The following DMXL1 variants were observed in gnomAD, a reference collection of about 807,000 sequenced individuals.
The protein encoded by DMXL1 is dmX-like protein 1.
DMXL1 carries 99 observed loss-of-function variants against 319.2 expected under a neutral mutation model. The observed-to-expected ratio is 0.31, with a 90% CI of 0.26 to 0.37. The LOEUF is 0.37. Ranked by LOEUF, DMXL1 falls within the 10% of genes least tolerant of loss-of-function variation. The probability of loss-of-function intolerance (pLI) is 1.00; values close to 1 mark genes in which losing one functional copy is unlikely to be tolerated. For synonymous variants in DMXL1, 1,385 were observed against 1,235.2 expected, an observed-to-expected ratio of 1.12 and a Z score of -2.54; for missense variants, 3,745 against 3,595.6, an observed-to-expected ratio of 1.04 and a Z score of -1.06.
chr5:119,199,199 T>C (rs1030864230), intron 32 of DMXL1, among the ~76,000 whole-genome samples: 1 of 152,196 alleles, frequency 6.6e-6, no homozygotes, highest in Non-Finnish European at 1.5e-5. Flanking sequence ...CCAGTAGTTA[T>C]TTTTGTGATC....
At chr5:119,227,578 G>GAC (rs1421096666) in intron 38 of DMXL1, among the ~76,000 whole-genome samples, 1 of 151,996 alleles carries the variant, frequency 6.6e-6, no homozygotes, top group Non-Finnish European at 1.5e-5. Flanking sequence ...CCATGTAAGG[G>GAC]ACTATATATG....
intron 1 of DMXL1, among the ~76,000 whole-genome samples, chr5:119,078,543 T>C (rs1372844309): frequency 6.6e-6 from 1 of 152,180 alleles, no homozygotes; most frequent in African/African-American, 2.4e-5. Context: ...CTCAATCTCC[T>C]AGGCTCAATC....
At chr5:119,112,776 G>A (rs768708268) in intron 5 of DMXL1, among the ~76,000 whole-genome samples, 16 of 152,076 alleles carry the variant, frequency 1.1e-4, no homozygotes, top group Non-Finnish European at 2.2e-4. Context: ...GGCCACCATG[G>A]CGAAACCCCG....
chr5:119,218,763 T>C (rs1395866387), intron 35 of DMXL1, among the ~76,000 whole-genome samples: 3 of 152,202 alleles, frequency 2.0e-5, no homozygotes, highest in Non-Finnish European at 2.9e-5. Flanking sequence ...CCAGCTGATA[T>C]GCTATTTTTA....
intron 28 of DMXL1, among the ~76,000 whole-genome samples, chr5:119,182,609 T>C (rs1449573173): frequency 1.3e-5 from 2 of 151,518 alleles, no homozygotes; most frequent in Non-Finnish European, 2.9e-5. Flanking sequence ...TGTAGTAACA[T>C]AATATTTAAA....
At chr5:119,188,974 C>T (rs1410873961) in intron 28 of DMXL1, among the ~76,000 whole-genome samples, 1 of 152,160 alleles carries the variant, frequency 6.6e-6, no homozygotes, top group African/African-American at 2.4e-5. Flanking sequence ...TGTATTAGAT[C>T]ATGCCTTTGT....
intron 34 of DMXL1, among the ~76,000 whole-genome samples, chr5:119,215,864 G>C (rs1019369950): frequency 6.6e-6 from 1 of 152,098 alleles, no homozygotes; most frequent in Non-Finnish European, 1.5e-5. Context: ...GGGAGGCCAA[G>C]GTGGCCAAAT....
At chr5:119,079,561 C>T (rs1751730251) in intron 1 of DMXL1, among the ~76,000 whole-genome samples, 1 of 152,188 alleles carries the variant, frequency 6.6e-6, no homozygotes, top group African/African-American at 2.4e-5. Context: ...CTTTTATGTC[C>T]TGCTCACTTC....
Position 119,102,416 on chromosome 5 carries a change from A to G in DMXL1, c.285+410A>G, listed in dbSNP as rs1251841916. Among the ~76,000 whole-genome samples, 3 of 152,314 alleles carry G rather than the reference A, an allele frequency of 2.0e-5. No individual in the cohort carries two copies. In the East Asian group the frequency reaches 5.8e-4, roughly 29 times the overall value. On this transcript the variant is annotated intron_variant, in intron 3 of 43. Coordinates refer to ENST00000539542, the MANE Select transcript of DMXL1 (RefSeq NM_001290321.3). ...TTTCTTGCATTATTTAGATCATGTA[A>G]TACAGTCGTTAACAGGTCAATGAAT...
intron 31 of DMXL1, among the ~76,000 whole-genome samples, chr5:119,196,845 G>A (rs1022766132): frequency 1.3e-5 from 2 of 152,128 alleles, no homozygotes; most frequent in East Asian, 1.9e-4. Context: ...AAGTGATTCT[G>A]CTATGAACTA....
chr5:119,072,775 T>C (rs1412019353), intron 1 of DMXL1, among the ~76,000 whole-genome samples: 1 of 152,202 alleles, frequency 6.6e-6, no homozygotes, highest in Non-Finnish European at 1.5e-5. Flanking sequence ...ATAGAGACTG[T>C]ACCTCCCCTT....
chr5:119,176,992 A>G (rs749435404), intron 26 of DMXL1, among the ~76,000 whole-genome samples: 3 of 152,154 alleles, frequency 2.0e-5, no homozygotes, highest in African/African-American at 4.8e-5. Flanking sequence ...AGTACCTGCT[A>G]CAGTGCCTGA....
chr5:119,084,837 C>T (rs2149708532), intron 1 of DMXL1, among the ~76,000 whole-genome samples: 1 of 147,704 alleles, frequency 6.8e-6, no homozygotes, highest in Non-Finnish European at 1.5e-5. Context: ...GCACTCCACC[C>T]TGGGCAACAA....
intron 38 of DMXL1, among the ~76,000 whole-genome samples, chr5:119,231,941 T>C (rs937352844): frequency 4.6e-5 from 7 of 152,180 alleles, no homozygotes; most frequent in Non-Finnish European, 1.0e-4. Flanking sequence ...GGAGCTGTCT[T>C]AGCCTAATAG....
At chr5:119,204,893 A>G (rs936462965) in intron 33 of DMXL1, among the ~76,000 whole-genome samples, 3 of 152,246 alleles carry the variant, frequency 2.0e-5, no homozygotes, top group African/African-American at 7.2e-5. Flanking sequence ...GCAAAAAGCA[A>G]GATTGACATC....
In DMXL1 at chr5:119,244,345, TA is replaced by T; in HGVS notation, c.8705-12del. The T allele has an allele frequency of 6.3e-7, 1 of 1,583,726 alleles. No homozygotes were observed. Among genetic ancestry groups the T allele is most frequent in the Non-Finnish European group, 8.6e-7 (1 of 1,167,142 alleles). ...TTGTTAAGTGTTTTTGTTTTTTTTTTAATTTACTTTCAGCATTTACCTGCCA... is the reference window on the plus strand; with the variant it reads ...TTGTTAAGTGTTTTTGTTTTTTTTTTATTTACTTTCAGCATTTACCTGCCA... On this transcript the variant is annotated splice_polypyrimidine_tract_variant and intron_variant, in intron 42 of 43. Coordinates refer to ENST00000539542, the MANE Select transcript of DMXL1 (RefSeq NM_001290321.3).
intron 7 of DMXL1, among the ~76,000 whole-genome samples, chr5:119,118,349 C>G (rs1028107627): frequency 2.0e-5 from 3 of 152,180 alleles, no homozygotes; most frequent in Non-Finnish European, 4.4e-5. Context: ...GAACTATCCA[C>G]TCAATAAATC....
intron 31 of DMXL1, 147 bp downstream of exon 31, chr5:119,196,603 C>A (rs1779685984): frequency 1.6e-6 from 1 of 624,972 alleles, no homozygotes; most frequent in Non-Finnish European, 2.8e-6. Context: ...ACTAAACCAA[C>A]CATCTGTAAA....
chr5:119,226,402 G>C (rs1785571692), intron 38 of DMXL1, among the ~76,000 whole-genome samples: 1 of 152,098 alleles, frequency 6.6e-6, no homozygotes, highest in South Asian at 2.1e-4. Flanking sequence ...CAAGATAGCT[G>C]TTTTCTTTCC....
Sources: gnomAD v4.1 joint callset for allele counts (sites outside exome capture counted in the v4.1 genomes callset) on GRCh38, gnomAD v4.1.1 for gene constraint, MANE v1.5 for transcripts, NCBI Gene and HGNC (gene_info 2026-07-23, HGNC 2026-07-21) for gene names.